Variants in ZW10 observed in about 807,000 individuals in gnomAD.
ZW10 encodes the protein centromere/kinetochore protein zw10 homolog.
Under a neutral mutation model 87.8 loss-of-function variants are expected in ZW10, and 53 were observed. The observed-to-expected ratio is 0.60, with a 90% CI of 0.48 to 0.76. ZW10 has a LOEUF of 0.76. ZW10 is among the 30% of genes least tolerant of loss of function. ZW10 has a pLI of 0.00. For synonymous variants in ZW10, 312 were observed against 329.2 expected (o/e 0.95, Z 0.57); for missense variants, 837 against 923.0 (o/e 0.91, Z 1.21).
intron 2 of ZW10, among the ~76,000 whole-genome samples, chr11:113,768,341 A>G (rs1953927985): frequency 6.6e-6 from 1 of 152,236 alleles, no homozygotes; most frequent in Non-Finnish European, 1.5e-5. Flanking sequence ...CATCTTTCAA[A>G]ATAACAACAA....
intron 9 of ZW10, among the ~76,000 whole-genome samples, chr11:113,746,833 GAT>G (rs1413561906): frequency 6.6e-5 from 10 of 152,132 alleles, no homozygotes; most frequent in African/African-American, 2.2e-4. Context: ...GAATGCAATA[GAT>G]AATAGAGTCA....
chr11:113,772,197 A>G (rs1427733064), intron 1 of ZW10, among the ~76,000 whole-genome samples: 2 of 152,246 alleles, frequency 1.3e-5, no homozygotes. Flanking sequence ...TTGGCTGAAG[A>G]TTCAAGTTGG....
At chr11:113,771,025 T>C (rs1244074527) in intron 1 of ZW10, among the ~76,000 whole-genome samples, 2 of 147,716 alleles carry the variant, frequency 1.4e-5, no homozygotes, top group East Asian at 4.1e-4. Flanking sequence ...CAGGCTGGAC[T>C]GCAGTGGTGG....
chr11:113,748,463 G>A (rs376165986), intron 7 of ZW10, 43 bp from the exon 8 acceptor site: 29 of 1,513,500 alleles, frequency 1.9e-5, no homozygotes, highest in African/African-American at 8.4e-5. Context: ...GAAACCATTC[G>A]CAGTCCTGGA....
At chr11:113,755,778 C>T (rs927536273) in intron 7 of ZW10, among the ~76,000 whole-genome samples, 3 of 152,218 alleles carry the variant, frequency 2.0e-5, no homozygotes, top group Non-Finnish European at 4.4e-5. Flanking sequence ...ATCCAACCTT[C>T]AGCAACCACC....
chr11:113,748,852 T>C (rs561808597), intron 7 of ZW10, among the ~76,000 whole-genome samples: 15 of 152,328 alleles, frequency 9.8e-5, no homozygotes, highest in African/African-American at 3.4e-4. Context: ...ATAACTAGTT[T>C]ATAAAACAGA....
In ZW10 at chr11:113,773,610, A is replaced by G; in HGVS notation, c.57T>C (p.Asp19=). The G allele has an allele frequency of 1.2e-6, 2 of 1,613,904 alleles. No individual in the cohort carries two copies. Among genetic ancestry groups the G allele is most frequent in the South Asian group, 2.2e-5 (2 of 91,056 alleles). ...LAHSGRLEKE[D]LGTRISRLTR... is the part of the protein sequence containing the mutation. ...TCAGGCGGCTGATCCGGGTCCCCAG[A>G]TCCTCCTTTTCCAGCCTCCCGGAGT... The change falls in exon 1 of 16, where the codon GAT becomes GAC. Residue 19 remains aspartate, a synonymous_variant. Transcript: ENST00000200135.
chr11:113,760,772 CCTT>C, intron 3 of ZW10, 42 bp downstream of exon 3: 1 of 1,542,526 alleles, frequency 6.5e-7, no homozygotes, highest in South Asian at 1.1e-5. Flanking sequence ...ACTAATGAGA[CCTT>C]CCCACCACCA....
chr11:113,748,256 C>A lies in ZW10; in HGVS notation c.1089+1G>T. On this transcript the variant is annotated splice_donor_variant, in intron 8 of 15. Transcript: ENST00000200135. LOFTEE classifies it high-confidence loss of function. Reference sequence around the variant, plus strand: ...CCTTCTGTGCTGTCTGGGCTCTTTACCTCTTCATATTGCTGTAATTTGCTG... The same window carrying A: ...CCTTCTGTGCTGTCTGGGCTCTTTAACTCTTCATATTGCTGTAATTTGCTG... The A allele has an allele frequency of 1.9e-6, 3 of 1,607,680 alleles. No individual in the cohort carries two copies. The highest frequency in any genetic ancestry group is 1.7e-6 in the Non-Finnish European group (2 of 1,178,120).
At chr11:113,758,817 C>G in intron 5 of ZW10, 111 bp from the exon 6 acceptor site, 1 of 998,796 alleles carries the variant, frequency 1.0e-6, no homozygotes, top group African/African-American at 1.6e-5. Context: ...TTACAATATA[C>G]TCCTAATGCA....
At position 113,733,196 on chromosome 11, in the gene ZW10, G is replaced by C. The variant is rs1179769302; in HGVS notation, c.*498C>G. On this transcript the variant is annotated 3_prime_UTR_variant, in exon 16 of 16. Transcript: ENST00000200135. ...AGACACTCACCCTTAATTGTAAAAA[G>C]CAATATTTATTGGAAAGAAATATTA... is the stretch of plus-strand genomic sequence containing the variant. The C allele has an allele frequency of 6.5e-6, 1 of 153,032 alleles. No individual in the cohort carries two copies. The highest frequency in any genetic ancestry group is 1.5e-5 in the Non-Finnish European group (1 of 68,644). The allele number at this position is 153,032 out of a possible 1,614,324, so 9.5% of individuals were successfully genotyped here. A position where few individuals can be genotyped will look rare whatever the true frequency, so the allele number is the denominator to read the frequency against.
chr11:113,737,821 A>G, intron 13 of ZW10, 118 bp from the exon 14 acceptor site: 1 of 1,165,394 alleles, frequency 8.6e-7, no homozygotes, highest in South Asian at 1.6e-5. Context: ...AAATGAGGTA[A>G]AGTAACTAAG....
At chr11:113,734,365 T>C (rs537530705) in intron 15 of ZW10, among the ~76,000 whole-genome samples, 34 of 152,318 alleles carry the variant, frequency 2.2e-4, no homozygotes, top group South Asian at 4.1e-4. Flanking sequence ...TATCATTGCA[T>C]GCCAATTAGA....
At chr11:113,740,298 C>A (rs1565279807) in intron 11 of ZW10, among the ~76,000 whole-genome samples, 1 of 152,116 alleles carries the variant, frequency 6.6e-6, no homozygotes. Flanking sequence ...TAAAATACTG[C>A]CCAAAGTCTG....
At chr11:113,736,337 G>A (rs1953553157) in intron 15 of ZW10, among the ~76,000 whole-genome samples, 1 of 151,364 alleles carries the variant, frequency 6.6e-6, no homozygotes, top group Admixed American at 6.6e-5. Flanking sequence ...GATGTCAGAA[G>A]GCTATAATTC....
At position 113,733,507 on chromosome 11, in the gene ZW10, T is replaced by C; in HGVS notation, c.*187A>G. 1 of 646,496 alleles carries C rather than the reference T, an allele frequency of 1.5e-6. No individual in the cohort carries two copies. Among genetic ancestry groups the C allele is most frequent in the East Asian group, 2.9e-5 (1 of 34,070 alleles). 40.0% of individuals were successfully genotyped at this position (646,496 alleles called of 1,614,324 possible). The stretch of plus-strand genomic sequence containing the variant: ...GAGGTGCTTTACTTGACAATTTATC[T>C]TAATAAACAGTTCTTAAACAAAGCC... On this transcript the variant is annotated 3_prime_UTR_variant, in exon 16 of 16. Coordinates refer to ENST00000200135, the MANE Select transcript of ZW10 (RefSeq NM_004724.4).
At chr11:113,758,449 C>G (rs950001464) in intron 6 of ZW10, 105 bp downstream of exon 6, 12 of 1,101,364 alleles carry the variant, frequency 1.1e-5, no homozygotes, top group Non-Finnish European at 1.6e-5. Context: ...AGGCCAGACC[C>G]TATACTAATA....
intron 2 of ZW10, among the ~76,000 whole-genome samples, chr11:113,761,399 C>T (rs905275224): frequency 2.0e-5 from 3 of 152,118 alleles, no homozygotes; most frequent in African/African-American, 7.2e-5. Context: ...CCACCTTAGC[C>T]CTGCTGAGTA....
At chr11:113,763,346 T>C (rs149589163) in intron 2 of ZW10, among the ~76,000 whole-genome samples, 10,633 of 152,318 alleles carry the variant, frequency 0.07, 423 homozygotes, top group African/African-American at 0.1. Flanking sequence ...TGTGTCTTTA[T>C]AGCAGAATCA....
Sources: gnomAD v4.1 joint callset for allele counts (sites outside exome capture counted in the v4.1 genomes callset) on GRCh38, gnomAD v4.1.1 for gene constraint, MANE v1.5 for transcripts, NCBI Gene and HGNC (gene_info 2026-07-23, HGNC 2026-07-21) for gene names.